The following SYN2 variants were observed in gnomAD, a reference collection of about 807,000 sequenced individuals.
SYN2 encodes the protein synapsin-2.
Under a neutral mutation model 50.9 loss-of-function variants are expected in SYN2, and 19 were observed. The ratio of observed to expected loss-of-function variants is 0.37; its 90% CI spans 0.26 to 0.55. SYN2 has a LOEUF of 0.55. Among genes scored for constraint, SYN2 ranks in the 20% least tolerant of loss-of-function variants. The pLI is 0.81. For synonymous variants in SYN2, 255 were observed against 224.9 expected, an observed-to-expected ratio of 1.13 and a Z score of -1.20; for missense variants, 587 against 576.4, an observed-to-expected ratio of 1.02 and a Z score of -0.19.
Position 12,140,640 on chromosome 3 carries a change from CT to C in SYN2, c.378-7del. On this transcript the variant is annotated splice_polypyrimidine_tract_variant and intron_variant, in intron 1 of 12. Coordinates refer to ENST00000621198, the MANE Select transcript of SYN2 (RefSeq NM_133625.6). ...CAAAACTAATTTGTGTGGGTTTATT[CT>C]TTTCTCCAGGGCCAAGTGCTTTCGG... is the stretch of plus-strand genomic sequence containing the variant. The C allele has an allele frequency of 1.3e-6, 1 of 752,944 alleles. No individual in the cohort carries two copies. The highest frequency in any genetic ancestry group is 1.8e-5 in the Admixed American group (1 of 54,778). 46.6% of individuals were successfully genotyped at this position (752,944 alleles called of 1,614,324 possible).
chr3:12,029,696 A>T (rs1694339224), intron 1 of SYN2, among the ~76,000 whole-genome samples: 1 of 5,752 alleles, frequency 1.7e-4, no homozygotes, highest in Non-Finnish European at 2.3e-4. Context: ...GTTGGTGTAT[A>T]GGAATGCTTG....
intron 1 of SYN2, among the ~76,000 whole-genome samples, chr3:12,062,854 A>G (rs940160277): frequency 2.0e-5 from 3 of 152,078 alleles, no homozygotes; most frequent in Non-Finnish European, 2.9e-5. Flanking sequence ...CAGTAGGTGA[A>G]TGGGTAAACT....
chr3:12,089,032 C>T (rs1574933780), intron 1 of SYN2, among the ~76,000 whole-genome samples: 1 of 152,150 alleles, frequency 6.6e-6, no homozygotes, highest in Non-Finnish European at 1.5e-5. Context: ...TAAATGTTTT[C>T]ACCACAAAAA....
chr3:12,022,307 C>A (rs1410474893), intron 1 of SYN2, among the ~76,000 whole-genome samples: 1 of 152,164 alleles, frequency 6.6e-6, no homozygotes, highest in Non-Finnish European at 1.5e-5. Flanking sequence ...TCCGCATCTT[C>A]TTATATTGCC....
At chr3:12,158,101 A>G (rs1448635667) in intron 5 of SYN2, among the ~76,000 whole-genome samples, 1 of 152,194 alleles carries the variant, frequency 6.6e-6, no homozygotes, top group Non-Finnish European at 1.5e-5. Context: ...AAAGAACAAC[A>G]GCACAGCATA....
chr3:12,057,495 C>T (rs1339718629), intron 1 of SYN2, among the ~76,000 whole-genome samples: 5 of 151,982 alleles, frequency 3.3e-5, no homozygotes, highest in African/African-American at 1.2e-4. Flanking sequence ...ATTTTCAGTC[C>T]TCTTATGTGA....
intron 1 of SYN2, among the ~76,000 whole-genome samples, chr3:12,054,237 A>G (rs1694939330): frequency 6.6e-6 from 1 of 152,138 alleles, no homozygotes; most frequent in Non-Finnish European, 1.5e-5. Context: ...ATTCCCCCTT[A>G]TGTTCTGTCT....
At chr3:12,155,816 G>A (rs1697440034) in intron 5 of SYN2, among the ~76,000 whole-genome samples, 1 of 152,166 alleles carries the variant, frequency 6.6e-6, no homozygotes. Context: ...ACACACAGAG[G>A]GCAGGTGCTT....
intron 7 of SYN2, among the ~76,000 whole-genome samples, chr3:12,163,568 A>G (rs1038067828): frequency 3.9e-5 from 6 of 152,198 alleles, no homozygotes; most frequent in African/African-American, 1.2e-4. Flanking sequence ...CCTTGTGAAC[A>G]AGAATGATGG....
intron 1 of SYN2, among the ~76,000 whole-genome samples, chr3:12,137,822 G>C (rs539139032): frequency 6.6e-6 from 1 of 152,124 alleles, no homozygotes; most frequent in Non-Finnish European, 1.5e-5. Context: ...AATTGATAAT[G>C]GGAAGTATAT....
chr3:12,155,200 A>G (rs535955063), intron 5 of SYN2, among the ~76,000 whole-genome samples: 74 of 152,336 alleles, frequency 4.9e-4, no homozygotes, highest in African/African-American at 1.7e-3. Context: ...GCTGTGATCT[A>G]GTACCAGGAA....
chr3:12,055,764 AT>A (rs1214685399), intron 1 of SYN2, among the ~76,000 whole-genome samples: 4 of 152,142 alleles, frequency 2.6e-5, no homozygotes, highest in Non-Finnish European at 4.4e-5. Flanking sequence ...TTCATTTTCT[AT>A]TTATTGGCTG....
At chr3:12,044,945 T>C (rs1694703597) in intron 1 of SYN2, among the ~76,000 whole-genome samples, 1 of 152,204 alleles carries the variant, frequency 6.6e-6, no homozygotes, top group Non-Finnish European at 1.5e-5. Flanking sequence ...TTATCTCTAT[T>C]TTATGAATGA....
At chr3:12,108,054 T>C (rs1025487617) in intron 1 of SYN2, among the ~76,000 whole-genome samples, 1 of 151,928 alleles carries the variant, frequency 6.6e-6, no homozygotes, top group African/African-American at 2.4e-5. Flanking sequence ...CTACAAAAAA[T>C]AAAACATTAG....
At chr3:12,099,313 T>G (rs1696015872) in intron 1 of SYN2, among the ~76,000 whole-genome samples, 1 of 152,116 alleles carries the variant, frequency 6.6e-6, no homozygotes, top group African/African-American at 2.4e-5. Context: ...TGTTGGTCCA[T>G]AAAGCAAATC....
chr3:12,087,298 A>G (rs1227512474), intron 1 of SYN2, among the ~76,000 whole-genome samples: 1 of 152,182 alleles, frequency 6.6e-6, no homozygotes, highest in Non-Finnish European at 1.5e-5. Context: ...AAAGTGTTCT[A>G]CAGATTCAGT....
intron 1 of SYN2, among the ~76,000 whole-genome samples, chr3:12,077,313 A>C (rs1210273945): frequency 6.6e-6 from 1 of 152,028 alleles, no homozygotes; most frequent in African/African-American, 2.4e-5. Flanking sequence ...TTTTTTAAAA[A>C]AAAATTATTT....
intron 5 of SYN2, chr3:12,154,381 G>A: frequency 6.2e-7 from 1 of 1,614,204 alleles, no homozygotes; most frequent in Non-Finnish European, 8.5e-7. Flanking sequence ...TCTGCACCAA[G>A]GACAGGTCCT....
chr3:12,150,855 CAG>C (rs1697268637), intron 4 of SYN2, among the ~76,000 whole-genome samples: 1 of 152,138 alleles, frequency 6.6e-6, no homozygotes, highest in South Asian at 2.1e-4. Flanking sequence ...TGCGATCACT[CAG>C]AGATGCAGGT....
Sources: allele counts gnomAD v4.1 joint callset (sites outside exome capture counted in the v4.1 genomes callset), GRCh38; gene constraint gnomAD v4.1.1; transcripts MANE v1.5; gene names NCBI Gene and HGNC (gene_info 2026-07-23, HGNC 2026-07-21).